Variants in PCBP3 observed in about 807,000 individuals in gnomAD.
PCBP3 encodes the protein poly(rC) binding protein 3, also known as poly(rC)-binding protein 3.
A neutral mutation model predicts 52.7 loss-of-function variants in PCBP3; 25 were observed. The observed-to-expected ratio is 0.47, with a 90% CI of 0.35 to 0.66. The LOEUF (loss-of-function observed/expected upper bound fraction) is 0.66. Among genes scored for constraint, PCBP3 ranks in the 30% least tolerant of loss-of-function variants. The pLI, the probability that PCBP3 is intolerant of heterozygous loss-of-function variation, is 0.01. For synonymous variants in PCBP3, 162 were observed against 183.0 expected (o/e 0.89, Z 0.93); for missense variants, 391 against 490.3 (o/e 0.80, Z 1.91).
rs375574495 is a variant in PCBP3 at position 45,770,541 on chromosome 21, TG to T, written c.-126+15090del. Among the ~76,000 whole-genome samples the T allele has an allele frequency of 2.1e-4, 32 of 152,360 alleles. No individual in the cohort carries two copies. The East Asian group carries it at 5.4e-3, about 26-fold the overall frequency. ...TATGGCTTCTGTGTTTCTTTCTTTC[TG>T]TTTGCTGCTCCCTGAAGGAGAAGTC... On this transcript the variant is annotated intron_variant, in intron 4 of 17. Transcript: ENST00000681687.
Position 45,850,768 on chromosome 21 carries a change from T to G in PCBP3, c.10+673T>G, listed in dbSNP as rs546547336. ...AGCATACAGAGAGCATGTACAGTAC[T>G]AGGATGTGTACAGGTGAAGTCTGTC... is the stretch of plus-strand genomic sequence containing the variant. On this transcript the variant is annotated intron_variant, in intron 5 of 17. Coordinates refer to ENST00000681687, the MANE Select transcript of PCBP3 (RefSeq NM_001384156.1). 4.6e-5 allele frequency among the ~76,000 whole-genome samples: 7 copies of G among 152,366 alleles called. No individual in the cohort carries two copies. In the East Asian group the frequency reaches 1.3e-3, roughly 29 times the overall value.
At chr21:45,677,950 A>G (rs922248382) in intron 2 of PCBP3, among the ~76,000 whole-genome samples, 1 of 152,238 alleles carries the variant, frequency 6.6e-6, no homozygotes, top group Non-Finnish European at 1.5e-5. Flanking sequence ...GAGATGTGCA[A>G]GGAGATGAAT....
At chr21:45,892,258 T>TC (rs2095685940) in intron 5 of PCBP3, among the ~76,000 whole-genome samples, 2 of 152,196 alleles carry the variant, frequency 1.3e-5, no homozygotes, top group Non-Finnish European at 2.9e-5. Context: ...GCAGTCACCG[T>TC]TTCCTGTCTT....
intron 13 of PCBP3, among the ~76,000 whole-genome samples, chr21:45,919,775 C>T (rs530596168): frequency 6.6e-6 from 1 of 152,310 alleles, no homozygotes; most frequent in Admixed American, 6.5e-5. Flanking sequence ...TTGGGGCTGC[C>T]CCAGCCTGCG....
chr21:45,733,164 T>C (rs1473013981), intron 2 of PCBP3, among the ~76,000 whole-genome samples: 1 of 152,224 alleles, frequency 6.6e-6, no homozygotes, highest in Non-Finnish European at 1.5e-5. Context: ...CTCAGATGTA[T>C]TTTTCATCTC....
chr21:45,742,975 A>G (rs1430951381), intron 3 of PCBP3, among the ~76,000 whole-genome samples: 1 of 152,206 alleles, frequency 6.6e-6, no homozygotes, highest in Non-Finnish European at 1.5e-5. Flanking sequence ...TTTCTTTTCA[A>G]ATGGATCAGA....
At chr21:45,714,666 T>C (rs1264305260) in intron 2 of PCBP3, among the ~76,000 whole-genome samples, 4 of 152,224 alleles carry the variant, frequency 2.6e-5, no homozygotes, top group South Asian at 2.1e-4. Flanking sequence ...TATGAAAACT[T>C]CATTTTTGAG....
At chr21:45,750,567 C>T (rs2087376756) in intron 3 of PCBP3, 1 of 152,394 alleles carries the variant, frequency 6.6e-6, no homozygotes, top group Non-Finnish European at 1.5e-5. Flanking sequence ...CCACCTCCTT[C>T]CCTCTTTCGT....
chr21:45,732,384 C>T (rs930587231), intron 2 of PCBP3, among the ~76,000 whole-genome samples: 2 of 151,852 alleles, frequency 1.3e-5, no homozygotes, highest in Non-Finnish European at 2.9e-5. Context: ...ATTAACATAC[C>T]CATCATCTCA....
In PCBP3 at chr21:45,928,687, C is replaced by A. The variant is rs1001829366; in HGVS notation, c.718-1230C>A. On this transcript the variant is annotated intron_variant, in intron 13 of 17. Transcript: ENST00000681687. This position sits in a 1 kb window ranked among gnomAD's most constrained non-coding sequence, Gnocchi z 4.1. ...GGCAGCTCTGCTCCGAGCGCCCACA[C>A]CCCCCAGCATTGGTGGCCTCTGTGG... 6.6e-6 allele frequency among the ~76,000 whole-genome samples: 1 copy of A among 152,216 alleles called. No homozygotes were observed. The highest frequency in any genetic ancestry group is 2.4e-5 in the African/African-American group (1 of 41,452).
Position 45,821,173 on chromosome 21 carries a change from G to A in PCBP3, c.-125-28788G>A, listed in dbSNP as rs549160698. On this transcript the variant is annotated intron_variant, in intron 4 of 17. Transcript: ENST00000681687. This position sits in a 1 kb window ranked among gnomAD's most constrained non-coding sequence, Gnocchi z 4.4. ...AACTCTTGACCTGCTCCCCCTTCCC[G>A]GTTCCCACTTTTTGCCTGGCAGGCT... Among the ~76,000 whole-genome samples, 25 of 151,354 alleles carry A rather than the reference G, an allele frequency of 1.7e-4. No individual in the cohort carries two copies. Among genetic ancestry groups the A allele is most frequent in the Admixed American group, 5.3e-4 (8 of 15,222 alleles).
chr21:45,765,503 C>T (rs930244380), intron 4 of PCBP3, among the ~76,000 whole-genome samples: 1 of 152,242 alleles, frequency 6.6e-6, no homozygotes, highest in African/African-American at 2.4e-5. Context: ...AATGTGCTCT[C>T]CCGGCGGGCT....
intron 4 of PCBP3, among the ~76,000 whole-genome samples, chr21:45,798,171 A>G (rs376940015): frequency 8.0e-6 from 1 of 125,494 alleles, no homozygotes; most frequent in Admixed American, 8.4e-5. Context: ...GCATGGATCC[A>G]TAGAGAGAGT....
At chr21:45,804,599 C>T (rs2092429405) in intron 4 of PCBP3, among the ~76,000 whole-genome samples, 1 of 152,226 alleles carries the variant, frequency 6.6e-6, no homozygotes, top group African/African-American at 2.4e-5. Context: ...GGTCCATTGC[C>T]TGGGCTCTGT....
rs753901631 is a variant in PCBP3 at position 45,911,076 on chromosome 21, G to C, written c.600+46G>C. 3 of 1,597,706 alleles carry C rather than the reference G, an allele frequency of 1.9e-6. No homozygotes were observed. The African/African-American group carries it at 4.0e-5, about 21-fold the overall frequency. On this transcript the variant is annotated intron_variant, in intron 11 of 17. Coordinates refer to ENST00000681687, the MANE Select transcript of PCBP3 (RefSeq NM_001384156.1). The stretch of plus-strand genomic sequence containing the variant: ...CCAGCCCACGTCAGTGCTGGATTTG[G>C]CCTCCCAGCACTGCAGGCAAAGGCT...
At chr21:45,700,495 G>C (rs920281167) in intron 2 of PCBP3, among the ~76,000 whole-genome samples, 1 of 152,168 alleles carries the variant, frequency 6.6e-6, no homozygotes, top group Non-Finnish European at 1.5e-5. Context: ...TGAGTACACA[G>C]CACCCCCTGT....
chr21:45,938,474 C>G (rs1372572264), intron 16 of PCBP3, among the ~76,000 whole-genome samples: 2 of 152,244 alleles, frequency 1.3e-5, no homozygotes, highest in African/African-American at 4.8e-5. Context: ...CCCTTCAGAT[C>G]TCTCTGCCAC....
At chr21:45,877,878 T>C (rs1042871256) in intron 5 of PCBP3, among the ~76,000 whole-genome samples, 33 of 152,182 alleles carry the variant, frequency 2.2e-4, no homozygotes, top group Non-Finnish European at 5.9e-5. Flanking sequence ...TGAGCACAGC[T>C]GGGACTTCTG....
intron 2 of PCBP3, among the ~76,000 whole-genome samples, chr21:45,689,981 C>CT (rs35039951): frequency 6.6e-6 from 1 of 151,992 alleles, no homozygotes; most frequent in Non-Finnish European, 1.5e-5. Context: ...CTCTAGCAGG[C>CT]TTTTTTGGAG....
Sources: gnomAD v4.1 joint callset for allele counts (sites outside exome capture counted in the v4.1 genomes callset) on GRCh38, gnomAD v4.1.1 for gene constraint, Gnocchi (gnomAD v3.1) non-coding constraint, MANE v1.5 for transcripts, NCBI Gene and HGNC (gene_info 2026-07-23, HGNC 2026-07-21) for gene names.